The following ARHGAP42 variants were observed in gnomAD, a reference collection of about 807,000 sequenced individuals.
The protein encoded by ARHGAP42 is rho GTPase-activating protein 42.
In ARHGAP42, 63 loss-of-function variants were observed where a neutral mutation model predicts 125.0. The observed-to-expected ratio is 0.50, with a 90% CI of 0.41 to 0.62. ARHGAP42 has a LOEUF of 0.62. ARHGAP42 is among the 20% of genes least tolerant of loss of function. ARHGAP42 has a pLI of 0.00. For synonymous variants in ARHGAP42, 339 were observed against 351.0 expected (o/e 0.97, Z 0.38); for missense variants, 766 against 1,024.2 (o/e 0.75, Z 3.44).
At chr11:100,774,279 A>C (rs899856222) in intron 2 of ARHGAP42, among the ~76,000 whole-genome samples, 2 of 152,152 alleles carry the variant, frequency 1.3e-5, no homozygotes, top group Non-Finnish European at 2.9e-5. Flanking sequence ...GAGTGGGTGG[A>C]GCATAAGGAT....
intron 17 of ARHGAP42, among the ~76,000 whole-genome samples, chr11:100,969,455 C>G (rs937626745): frequency 3.9e-5 from 6 of 152,008 alleles, no homozygotes; most frequent in African/African-American, 1.4e-4. Flanking sequence ...TTCTACTTCT[C>G]TCTTTCATCT....
intron 3 of ARHGAP42, among the ~76,000 whole-genome samples, chr11:100,799,863 G>A (rs536265216): frequency 6.6e-6 from 1 of 152,100 alleles, no homozygotes; most frequent in African/African-American, 2.4e-5. Flanking sequence ...AAAGAAAGAG[G>A]GTTGATAAAA....
intron 4 of ARHGAP42, among the ~76,000 whole-genome samples, chr11:100,892,643 T>C (rs1035349262): frequency 1.3e-5 from 2 of 152,170 alleles, no homozygotes; most frequent in African/African-American, 4.8e-5. Context: ...TTATAGATGC[T>C]TCTAGAAAAC....
At chr11:100,946,994 T>C (rs979826777) in intron 10 of ARHGAP42, among the ~76,000 whole-genome samples, 2 of 151,404 alleles carry the variant, frequency 1.3e-5, no homozygotes, top group Non-Finnish European at 2.9e-5. Context: ...ATTCCTAGGC[T>C]GCTGTAAACT....
At chr11:100,793,461 T>C (rs1403788281) in intron 2 of ARHGAP42, among the ~76,000 whole-genome samples, 2 of 152,220 alleles carry the variant, frequency 1.3e-5, no homozygotes, top group Non-Finnish European at 2.9e-5. Flanking sequence ...TCCCAGGTAA[T>C]CCATTGATTT....
At chr11:100,866,165 G>A (rs906747386) in intron 4 of ARHGAP42, among the ~76,000 whole-genome samples, 2 of 152,120 alleles carry the variant, frequency 1.3e-5, no homozygotes, top group South Asian at 2.1e-4. Context: ...TTGCTCATCC[G>A]TAAGAAGCAA....
chr11:100,923,661 TCTTC>T (rs926249888), intron 6 of ARHGAP42, among the ~76,000 whole-genome samples: 1 of 152,166 alleles, frequency 6.6e-6, no homozygotes, highest in African/African-American at 2.4e-5. Flanking sequence ...AAATGTGTTT[TCTTC>T]CTTTTACCTT....
intron 3 of ARHGAP42, among the ~76,000 whole-genome samples, chr11:100,845,484 T>C (rs769713651): frequency 3.0e-4 from 45 of 152,088 alleles, no homozygotes; most frequent in Admixed American, 5.3e-4. Context: ...CCACCTGTTT[T>C]CCAATAACCT....
intron 22 of ARHGAP42, chr11:100,986,394 C>T (rs1385439218): frequency 3.6e-6 from 1 of 275,378 alleles, no homozygotes; most frequent in African/African-American, 2.3e-5. Context: ...GAAAGAGGGC[C>T]ATTGTGACTG....
intron 22 of ARHGAP42, among the ~76,000 whole-genome samples, chr11:100,987,053 G>A (rs372341876): frequency 7.9e-5 from 12 of 151,956 alleles, no homozygotes; most frequent in Admixed American, 3.3e-4. Context: ...CCTATATCAC[G>A]CCCAATCAAC....
chr11:100,699,764 C>G (rs1861366473), intron 1 of ARHGAP42, among the ~76,000 whole-genome samples: 1 of 151,778 alleles, frequency 6.6e-6, no homozygotes, highest in Non-Finnish European at 1.5e-5. Flanking sequence ...CTGAGGTGAT[C>G]CACCCGCCTC....
intron 4 of ARHGAP42, among the ~76,000 whole-genome samples, chr11:100,899,691 GTTTTGTTTTT>G (rs1441541370): frequency 8.6e-5 from 10 of 116,548 alleles, no homozygotes; most frequent in Non-Finnish European, 1.1e-4. Context: ...TTGTTTGTTT[GTTTTGTTTTT>G]TTTGTTTTGT....
chr11:100,896,574 T>C (rs2135200515), intron 4 of ARHGAP42, among the ~76,000 whole-genome samples: 1 of 152,364 alleles, frequency 6.6e-6, no homozygotes, highest in South Asian at 2.1e-4. Context: ...TTGATTTGCA[T>C]TTCTCTGATG....
intron 2 of ARHGAP42, among the ~76,000 whole-genome samples, chr11:100,785,671 G>C (rs889719024): frequency 6.6e-6 from 1 of 152,176 alleles, no homozygotes; most frequent in African/African-American, 2.4e-5. Flanking sequence ...GTTCCTGATG[G>C]CAGGAAACAT....
intron 1 of ARHGAP42, among the ~76,000 whole-genome samples, chr11:100,748,827 C>A (rs1862368745): frequency 6.7e-6 from 1 of 148,262 alleles, no homozygotes; most frequent in Non-Finnish European, 1.5e-5. Flanking sequence ...GTTACAGGGT[C>A]ACGGAGAAGA....
intron 8 of ARHGAP42, 31 bp from the exon 9 acceptor site, chr11:100,941,753 A>T: frequency 2.2e-6 from 3 of 1,376,326 alleles, no homozygotes; most frequent in Non-Finnish European, 2.9e-6. Context: ...TTATTAACAA[A>T]ATCTGAAATT....
chr11:100,953,317 G>C (rs1474049876), intron 12 of ARHGAP42, among the ~76,000 whole-genome samples: 3 of 152,036 alleles, frequency 2.0e-5, no homozygotes, highest in Admixed American at 2.0e-4. Context: ...AAATACTCTT[G>C]TTGTCCTTTG....
intron 10 of ARHGAP42, among the ~76,000 whole-genome samples, chr11:100,946,035 C>G (rs993689616): frequency 2.6e-5 from 4 of 152,080 alleles, no homozygotes; most frequent in African/African-American, 9.7e-5. Context: ...ATGATTGTAG[C>G]TAGATCTTCT....
At chr11:100,849,330 C>T (rs1399120215) in intron 3 of ARHGAP42, among the ~76,000 whole-genome samples, 1 of 152,002 alleles carries the variant, frequency 6.6e-6, no homozygotes, top group East Asian at 1.9e-4. Context: ...GAAAACTGGC[C>T]CATAGTTTAT....
Sources: allele counts gnomAD v4.1 joint callset (sites outside exome capture counted in the v4.1 genomes callset), GRCh38; gene constraint gnomAD v4.1.1; transcripts MANE v1.5; gene names NCBI Gene and HGNC (gene_info 2026-07-23, HGNC 2026-07-21).